Variants in UBE2U observed in about 807,000 individuals in gnomAD.
UBE2U encodes the protein ubiquitin-conjugating enzyme E2 U.
UBE2U carries 39 observed loss-of-function variants against 41.2 expected under a neutral mutation model. The observed-to-expected ratio is 0.95, with a 90% CI of 0.73 to 1.24. UBE2U has a LOEUF of 1.24. Ranked by LOEUF, UBE2U falls within the 50% of genes most tolerant of loss-of-function variation. The probability of loss-of-function intolerance (pLI) is 0.00; values close to 1 mark genes in which losing one functional copy is unlikely to be tolerated. For synonymous variants in UBE2U, 107 were observed against 117.8 expected (o/e 0.91, Z 0.60); for missense variants, 336 against 363.1 (o/e 0.93, Z 0.61).
At position 64,204,132 on chromosome 1, in the gene UBE2U, G is replaced by A. The variant is rs1351050820; in HGVS notation, c.66+16G>A. The A allele has an allele frequency of 2.5e-6, 4 of 1,606,108 alleles. No individual in the cohort carries two copies. The highest frequency in any genetic ancestry group is 1.7e-5 in the Admixed American group (1 of 59,208). On this transcript the variant is annotated intron_variant, in intron 1 of 9. Coordinates refer to ENST00000371077, the MANE Select transcript of UBE2U (RefSeq NM_001366232.2). ...CAATTATAAGGTAAGTACTGGGCAC[G>A]TGGAGAGATGTGTTTCATTGTGCAA...
chr1:64,218,234 A>G (rs1355678904), intron 5 of UBE2U, among the ~76,000 whole-genome samples: 1 of 152,164 alleles, frequency 6.6e-6, no homozygotes, highest in Non-Finnish European at 1.5e-5. Flanking sequence ...GTTTTGTTAC[A>G]GATATTCTGT....
At position 64,239,102 on chromosome 1, in the gene UBE2U, G is replaced by GA. The variant is rs1398138539; in HGVS notation, c.596-2548dup. Among the ~76,000 whole-genome samples the GA allele has an allele frequency of 7.7e-3, 55 of 7,188 alleles. 1 individual carries two copies. Among genetic ancestry groups the GA allele is most frequent in the African/African-American group, 0.043 (53 of 1,222 alleles). 4.7% of individuals were successfully genotyped at this position (7,188 alleles called of 152,430 possible). A position where few individuals can be genotyped will look rare whatever the true frequency, so the allele number is the denominator to read the frequency against. On this transcript the variant is annotated intron_variant, in intron 7 of 9. Transcript: ENST00000371077. The stretch of plus-strand genomic sequence containing the variant: ...AGAGGAAGAGGAAGAGGAAGAAGAA[G>GA]AAGAAGAAGAAGAAGAAGAAGAAGA...
intron 8 of UBE2U, among the ~76,000 whole-genome samples, chr1:64,245,060 T>C (rs1644897456): frequency 6.6e-6 from 1 of 152,184 alleles, no homozygotes; most frequent in Non-Finnish European, 1.5e-5. Context: ...TGTAAATGGC[T>C]TTCATGAATA....
chr1:64,255,275 T>C (rs1645072140), intron 8 of UBE2U, among the ~76,000 whole-genome samples: 3 of 152,006 alleles, frequency 2.0e-5, no homozygotes, highest in Non-Finnish European at 4.4e-5. Flanking sequence ...GAGGCAATAA[T>C]AGCCTACCAA....
At chr1:64,221,909 A>AC (rs776166441) in intron 6 of UBE2U, among the ~76,000 whole-genome samples, 28 of 151,926 alleles carry the variant, frequency 1.8e-4, no homozygotes, top group Middle Eastern at 3.4e-3. Context: ...ACATGGTGAA[A>AC]CCTGTCTCTA....
At chr1:64,240,760 A>G (rs1036753910) in intron 7 of UBE2U, among the ~76,000 whole-genome samples, 2 of 152,038 alleles carry the variant, frequency 1.3e-5, no homozygotes, top group African/African-American at 4.8e-5. Flanking sequence ...CTCTTTTTAA[A>G]TTTTTATTTA....
intron 6 of UBE2U, 113 bp downstream of exon 6, chr1:64,221,020 TTATAA>T: frequency 1.5e-6 from 1 of 662,900 alleles, no homozygotes; most frequent in Non-Finnish European, 2.4e-6. Flanking sequence ...TAGAAACATC[TTATAA>T]TATCTTTTTA....
At chr1:64,220,776 T>C (rs879567996) in intron 5 of UBE2U, 83 bp from the exon 6 acceptor site, 20 of 1,011,764 alleles carry the variant, frequency 2.0e-5, no homozygotes, top group Non-Finnish European at 3.0e-5. Context: ...TACCATTTTA[T>C]TGAGGCTTTG....
intron 4 of UBE2U, among the ~76,000 whole-genome samples, chr1:64,212,310 A>T (rs899742118): frequency 2.0e-5 from 3 of 152,238 alleles, no homozygotes; most frequent in Non-Finnish European, 4.4e-5. Context: ...AAATGTAATG[A>T]GTAAGGGCAA....
At chr1:64,205,374 A>T (rs943624639) in intron 1 of UBE2U, among the ~76,000 whole-genome samples, 14 of 152,190 alleles carry the variant, frequency 9.2e-5, no homozygotes, top group Non-Finnish European at 1.6e-4. Flanking sequence ...TAAGCCACAC[A>T]TTCTAATCTT....
chr1:64,246,130 C>CT (rs141568464), intron 8 of UBE2U, among the ~76,000 whole-genome samples: 9 of 150,940 alleles, frequency 6.0e-5, no homozygotes, highest in African/African-American at 2.0e-4. Flanking sequence ...AATGTTAGTT[C>CT]TTTTTTTTCT....
chr1:64,221,975 T>C (rs921344863), intron 6 of UBE2U, among the ~76,000 whole-genome samples: 1 of 151,292 alleles, frequency 6.6e-6, no homozygotes, highest in African/African-American at 2.4e-5. Flanking sequence ...TAGTCCCAGC[T>C]ACTCGGGAGG....
chr1:64,222,968 G>C (rs1557714090), intron 6 of UBE2U, among the ~76,000 whole-genome samples: 1 of 152,178 alleles, frequency 6.6e-6, no homozygotes, highest in Non-Finnish European at 1.5e-5. Flanking sequence ...TTCAGGAATT[G>C]AAGGTGACTT....
intron 5 of UBE2U, among the ~76,000 whole-genome samples, chr1:64,218,729 T>C (rs1445563967): frequency 6.6e-6 from 1 of 152,246 alleles, no homozygotes; most frequent in East Asian, 1.9e-4. Flanking sequence ...ATGATTTGGT[T>C]ACATTAATAT....
intron 8 of UBE2U, among the ~76,000 whole-genome samples, chr1:64,259,977 C>T (rs1051134495): frequency 2.0e-5 from 3 of 151,512 alleles, no homozygotes; most frequent in African/African-American, 7.3e-5. Context: ...TGAGGCTATA[C>T]TAGATTTAGG....
chr1:64,260,659 A>C lies in UBE2U; in HGVS notation c.734A>C (p.His245Pro). The C allele has an allele frequency of 6.5e-7, 1 of 1,549,714 alleles. No homozygotes were observed. The highest frequency in any genetic ancestry group is 8.7e-7 in the Non-Finnish European group (1 of 1,146,660). The change falls in exon 9 of 10, where the codon CAC becomes CCC. Residue 245 changes from histidine (H) to proline (P), a missense_variant. His to Pro is a moderately conservative substitution (Grantham distance 77). Coordinates refer to ENST00000371077, the MANE Select transcript of UBE2U (RefSeq NM_001366232.2). ...AAAAGAATGCCTCATGAAGTCACTC[A>C]CTCAATGGAAGAAATTAAGCTCTGC... ...ARKRMPHEVT[H>P]SMEEIKLCPT... is the part of the protein sequence containing the mutation.
rs1216891205 is a variant in UBE2U at position 64,239,181 on chromosome 1, GAAGAAGAAGAAA to G, written c.596-2470_596-2459del. Reference sequence around the variant, plus strand: ...GAAAGAAGAAGAAGAAGAAGAAGAAGAAGAAGAAGAAAGCCCCAGACAAGGACAAGACTGGTG... The same window carrying G: ...GAAAGAAGAAGAAGAAGAAGAAGAAGGCCCCAGACAAGGACAAGACTGGTG... On this transcript the variant is annotated intron_variant, in intron 7 of 9. Transcript: ENST00000371077. Among the ~76,000 whole-genome samples, 12 of 134,728 alleles carry G rather than the reference GAAGAAGAAGAAA, an allele frequency of 8.9e-5. 1 individual carries two copies. The highest frequency in any genetic ancestry group is 2.6e-4 in the African/African-American group (9 of 34,940). 88.4% of individuals were successfully genotyped at this position (134,728 alleles called of 152,430 possible). A position where few individuals can be genotyped will look rare whatever the true frequency, so the allele number is the denominator to read the frequency against.
At chr1:64,245,564 G>A (rs1235504511) in intron 8 of UBE2U, among the ~76,000 whole-genome samples, 2 of 152,130 alleles carry the variant, frequency 1.3e-5, no homozygotes, top group Non-Finnish European at 2.9e-5. Flanking sequence ...AGGTATAGAG[G>A]GAACCGGAAC....
At chr1:64,251,484 G>A (rs1039642458) in intron 8 of UBE2U, among the ~76,000 whole-genome samples, 1 of 152,074 alleles carries the variant, frequency 6.6e-6, no homozygotes, top group Non-Finnish European at 1.5e-5. Context: ...CTCAGAACAG[G>A]GAGTGAATTT....
Sources: gnomAD v4.1 joint callset for allele counts (sites outside exome capture counted in the v4.1 genomes callset) on GRCh38, gnomAD v4.1.1 for gene constraint, MANE v1.5 for transcripts, NCBI Gene and HGNC (gene_info 2026-07-23, HGNC 2026-07-21) for gene names.